Variants in PPP4R2 observed in about 807,000 individuals in gnomAD.
The protein encoded by PPP4R2 is protein phosphatase 4 regulatory subunit 2, also known as serine/threonine-protein phosphatase 4 regulatory subunit 2.
Under a neutral mutation model 47.2 loss-of-function variants are expected in PPP4R2, and 13 were observed. That is an observed-to-expected ratio of 0.28 (90% CI 0.18 to 0.44). The LOEUF (loss-of-function observed/expected upper bound fraction) is 0.44, where lower values mean the gene tolerates loss of function less well. PPP4R2 is among the 20% of genes least tolerant of loss of function. The probability of loss-of-function intolerance (pLI) is 1.00; values close to 1 mark genes in which losing one functional copy is unlikely to be tolerated. For missense variants in PPP4R2, 421 were observed against 491.2 expected, an observed-to-expected ratio of 0.86 and a Z score of 1.35; for synonymous variants, 151 against 163.3, an observed-to-expected ratio of 0.92 and a Z score of 0.57.
In PPP4R2 at chr3:73,066,815, C is replaced by T. The variant is rs1559573633; in HGVS notation, c.*1093C>T. ...TGAAGCTTTAGGGGTGCATAGAAAC[C>T]ACCATAATTTGTATGACATTTTGAA... On this transcript the variant is annotated 3_prime_UTR_variant, in exon 9 of 9. Transcript: ENST00000356692. The T allele has an allele frequency of 6.6e-6, 1 of 151,984 alleles. No homozygotes were observed. Among genetic ancestry groups the T allele is most frequent in the Non-Finnish European group, 1.5e-5 (1 of 67,948 alleles). The allele number at this position is 151,984 out of a possible 1,614,324, so 9.4% of individuals were successfully genotyped here. A position where few individuals can be genotyped will look rare whatever the true frequency, so the allele number is the denominator to read the frequency against.
At chr3:73,053,258 CTACT>C (rs938325608) in intron 3 of PPP4R2, among the ~76,000 whole-genome samples, 9 of 152,084 alleles carry the variant, frequency 5.9e-5, no homozygotes, top group African/African-American at 1.7e-4. Flanking sequence ...CCACCCACCC[CTACT>C]TACTTGTTTT....
intron 2 of PPP4R2, among the ~76,000 whole-genome samples, chr3:73,030,522 C>T (rs1422416138): frequency 2.6e-5 from 4 of 151,756 alleles, no homozygotes; most frequent in East Asian, 1.9e-4. Context: ...GCATTTGTAG[C>T]GTACTCAAGA....
chr3:73,002,608 T>C (rs1385495437), intron 2 of PPP4R2, among the ~76,000 whole-genome samples: 5 of 88,092 alleles, frequency 5.7e-5, no homozygotes, highest in African/African-American at 2.5e-4. Flanking sequence ...CAGGGATTTT[T>C]CTTTTCTTTT....
chr3:73,003,509 C>T (rs573545778), intron 2 of PPP4R2, among the ~76,000 whole-genome samples: 34 of 152,106 alleles, frequency 2.2e-4, no homozygotes, highest in African/African-American at 7.5e-4. Flanking sequence ...GTCACTGCCC[C>T]GGCTGACTTT....
rs80155396 is a variant in PPP4R2, at chr3:73,006,036, C to T, written c.116+7878C>T. Among the ~76,000 whole-genome samples, 906 of 152,184 alleles carry T rather than the reference C, an allele frequency of 6.0e-3. 14 individuals carry two copies. Among genetic ancestry groups the T allele is most frequent in the African/African-American group, 0.021 (867 of 41,522 alleles). On this transcript the variant is annotated intron_variant, in intron 2 of 8. Transcript: ENST00000356692. The stretch of plus-strand genomic sequence containing the variant: ...TCCCTCCCTGTGTGTGCTGCCTTCC[C>T]TCCAAGCAACTTTTTGTCAATGTAG...
chr3:73,002,402 A>G (rs1360039530), intron 2 of PPP4R2, among the ~76,000 whole-genome samples: 1 of 152,056 alleles, frequency 6.6e-6, no homozygotes. Context: ...CAGATAGGGT[A>G]CATGCCACGA....
chr3:73,002,810 T>A lies in PPP4R2; in HGVS notation c.116+4652T>A, dbSNP rs1002347089. Among the ~76,000 whole-genome samples the A allele has an allele frequency of 1.2e-4, 18 of 151,178 alleles. No homozygotes were observed. The East Asian group carries it at 1.8e-3, about 15-fold the overall frequency. On this transcript the variant is annotated intron_variant, in intron 2 of 8. Transcript: ENST00000356692. ...GCATGCGCCACCACGCCTGGCTAATTTTTTTGTATTTTTAGTAGAGATGGG... is the reference window on the plus strand; with the variant it reads ...GCATGCGCCACCACGCCTGGCTAATATTTTTGTATTTTTAGTAGAGATGGG...
At chr3:73,022,609 C>G (rs1257775799) in intron 2 of PPP4R2, among the ~76,000 whole-genome samples, 1 of 152,074 alleles carries the variant, frequency 6.6e-6, no homozygotes, top group Non-Finnish European at 1.5e-5. Context: ...CAATTACAAA[C>G]TTCAGTAAAA....
intron 2 of PPP4R2, among the ~76,000 whole-genome samples, chr3:73,024,623 G>C (rs1575855455): frequency 1.3e-5 from 2 of 152,098 alleles, no homozygotes; most frequent in Non-Finnish European, 2.9e-5. Context: ...GCCCAAAGGA[G>C]TTTCTTTTCT....
intron 2 of PPP4R2, among the ~76,000 whole-genome samples, chr3:72,998,724 T>A (rs976586737): frequency 1.3e-5 from 2 of 152,364 alleles, no homozygotes; most frequent in East Asian, 3.9e-4. Context: ...AGCATTTTAT[T>A]CAGCTCGTTT....
At chr3:73,029,565 G>C (rs1216971958) in intron 2 of PPP4R2, among the ~76,000 whole-genome samples, 1 of 126,210 alleles carries the variant, frequency 7.9e-6, no homozygotes, top group African/African-American at 3.2e-5. Context: ...CATCACATCT[G>C]AGAGGTGAAA....
intron 2 of PPP4R2, among the ~76,000 whole-genome samples, chr3:73,036,999 A>G (rs1702276196): frequency 6.6e-6 from 1 of 152,168 alleles, no homozygotes; most frequent in Non-Finnish European, 1.5e-5. Context: ...TCAGTAACAG[A>G]TATTTTAAGC....
At chr3:73,057,268 C>G (rs1162815262) in intron 3 of PPP4R2, among the ~76,000 whole-genome samples, 1 of 152,068 alleles carries the variant, frequency 6.6e-6, no homozygotes, top group African/African-American at 2.4e-5. Flanking sequence ...CTATAGATTT[C>G]TAATGGTTGT....
At chr3:73,008,918 C>T (rs1160896977) in intron 2 of PPP4R2, among the ~76,000 whole-genome samples, 2 of 152,262 alleles carry the variant, frequency 1.3e-5, no homozygotes, top group East Asian at 3.9e-4. Flanking sequence ...AGGCTGACTT[C>T]TCTCCCTTAA....
intron 2 of PPP4R2, among the ~76,000 whole-genome samples, chr3:73,003,085 T>C (rs998995273): frequency 5.9e-5 from 9 of 151,940 alleles, no homozygotes; most frequent in Admixed American, 1.3e-4. Flanking sequence ...ATGCGAATAT[T>C]ACTGCCACCA....
chr3:73,031,238 C>T (rs1702159397), intron 2 of PPP4R2, among the ~76,000 whole-genome samples: 1 of 152,056 alleles, frequency 6.6e-6, no homozygotes, highest in Non-Finnish European at 1.5e-5. Flanking sequence ...TGTTAGTTGA[C>T]ATATTTCATT....
intron 2 of PPP4R2, among the ~76,000 whole-genome samples, chr3:73,015,548 T>C (rs1283784674): frequency 6.6e-6 from 1 of 150,720 alleles, no homozygotes; most frequent in Non-Finnish European, 1.5e-5. Flanking sequence ...TGATCTCGGC[T>C]CACTGCAACC....
Position 73,065,064 on chromosome 3 carries a change from A to G in PPP4R2, c.851A>G (p.Asp284Gly), listed in dbSNP as rs575938959. 5.6e-6 allele frequency: 9 copies of G among 1,614,074 alleles called. No individual in the cohort carries two copies. The East Asian group carries it at 2.0e-4, about 36-fold the overall frequency. The change falls in exon 8 of 9, where the codon GAT (aspartate) becomes GGT (glycine). Residue 284 changes from aspartate (D) to glycine (G), a missense_variant. Coordinates refer to ENST00000356692, the MANE Select transcript of PPP4R2 (RefSeq NM_174907.4). ...ACAGAAGCATCATCTTCATCTCAGGATAAAGACAAAGATAGCCGTTGTACC... is the reference window on the plus strand; with the variant it reads ...ACAGAAGCATCATCTTCATCTCAGGGTAAAGACAAAGATAGCCGTTGTACC... The part of the protein sequence containing the change: ...GETEASSSSQ[D>G]KDKDSRCTRQ...
Position 73,016,861 on chromosome 3 carries a change from C to G in PPP4R2, c.116+18703C>G, listed in dbSNP as rs1701850501. Among the ~76,000 whole-genome samples the G allele has an allele frequency of 2.1e-5, 3 of 143,206 alleles. No individual in the cohort carries two copies. In the South Asian group the frequency reaches 6.8e-4, roughly 32 times the overall value. The allele number at this position is 143,206 out of a possible 152,430, so 93.9% of individuals were successfully genotyped here. A position where few individuals can be genotyped will look rare whatever the true frequency, so the allele number is the denominator to read the frequency against. Reference sequence around the variant, plus strand: ...AAATACAGAGTCTCACTCTGTCGCCCAGGCTGGAGTTCAGTGGCTCACTGA... The same window carrying G: ...AAATACAGAGTCTCACTCTGTCGCCGAGGCTGGAGTTCAGTGGCTCACTGA... On this transcript the variant is annotated intron_variant, in intron 2 of 8. Coordinates refer to ENST00000356692, the MANE Select transcript of PPP4R2 (RefSeq NM_174907.4).
Sources: allele counts gnomAD v4.1 joint callset (sites outside exome capture counted in the v4.1 genomes callset), GRCh38; gene constraint gnomAD v4.1.1; transcripts MANE v1.5; gene names NCBI Gene and HGNC (gene_info 2026-07-23, HGNC 2026-07-21).